The following KLRG2 variants were observed in gnomAD, a reference collection of about 807,000 sequenced individuals.
KLRG2 encodes killer cell lectin-like receptor subfamily G member 2.
Under a neutral mutation model 35.4 loss-of-function variants are expected in KLRG2, and 39 were observed. That is an observed-to-expected ratio of 1.10 (90% CI 0.85 to 1.44). KLRG2 has a LOEUF of 1.44. Among genes scored for constraint, KLRG2 ranks in the 40% most tolerant of loss-of-function variants. KLRG2 has a pLI of 0.00. For missense variants in KLRG2, 632 were observed against 570.9 expected (o/e 1.11, Z -1.09); for synonymous variants, 283 against 265.8 (o/e 1.06, Z -0.63).
Position 139,483,025 on chromosome 7 carries a change from C to A in KLRG2, c.618G>T (p.Ala206=). The A allele has an allele frequency of 7.3e-7, 1 of 1,369,624 alleles. No homozygotes were observed. The highest frequency in any genetic ancestry group is 2.6e-4 in the Middle Eastern group (1 of 3,776). 84.8% of individuals were successfully genotyped at this position (1,369,624 alleles called of 1,614,324 possible). The stretch of plus-strand genomic sequence containing the variant: ...AGCCCGGGGAGCCGGCGCTTCCTTC[C>A]GCGGGGCTGGCCCGGCCCTCTGCGT... ...GCDAEGRASP[A]EGSAGSPGSP... The change falls in exon 1 of 5, where the codon GCG becomes GCT. Residue 206 remains alanine (A), a synonymous_variant. Coordinates refer to ENST00000340940, the MANE Select transcript of KLRG2 (RefSeq NM_198508.4).
intron 3 of KLRG2, among the ~76,000 whole-genome samples, chr7:139,456,027 A>C (rs1796472199): frequency 6.6e-6 from 1 of 152,218 alleles, no homozygotes; most frequent in Non-Finnish European, 1.5e-5. Context: ...CCATGTAAAA[A>C]AAAAAAGACT....
the KLRG2 span, among the ~76,000 whole-genome samples, chr7:139,438,777 G>C: frequency 1.3e-5 from 2 of 151,582 alleles, no homozygotes; most frequent in African/African-American, 4.9e-5. Context: ...CCAGGTGCAA[G>C]TGATTCTCCT....
chr7:139,454,112 G>A lies in KLRG2; in HGVS notation c.1108C>T (p.Leu370=). The A allele has an allele frequency of 1.3e-6, 2 of 1,520,948 alleles. No individual in the cohort carries two copies. Among genetic ancestry groups the A allele is most frequent in the African/African-American group, 1.4e-5 (1 of 72,124 alleles). 94.2% of individuals were successfully genotyped at this position (1,520,948 alleles called of 1,614,324 possible). A position where few individuals can be genotyped will look rare whatever the true frequency, so the allele number is the denominator to read the frequency against. Residue 370 remains leucine (L), a splice_region_variant and synonymous_variant, in exon 4 of 5, where the codon CTA becomes TTA. Coordinates refer to ENST00000340940, the MANE Select transcript of KLRG2 (RefSeq NM_198508.4). ...WIDEAPLPPQ[L]LPEDGEDNLD... is the part of the protein sequence containing the mutation. Reference sequence around the variant, plus strand: ...GGAGAAAAGCCCGTGGTCACTCACAGCTGGGGCGGGAGTGGGGCCTCGTCG... The same window carrying A: ...GGAGAAAAGCCCGTGGTCACTCACAACTGGGGCGGGAGTGGGGCCTCGTCG...
At chr7:139,449,800 C>T (rs1255880039), downstream of KLRG2, among the ~76,000 whole-genome samples, 9 of 147,000 alleles carry the variant, frequency 6.1e-5, no homozygotes, top group African/African-American at 2.0e-4. Context: ...GCCAGGTTCA[C>T]GCCATTCTCC....
intron 3 of KLRG2, among the ~76,000 whole-genome samples, chr7:139,469,458 C>A (rs907805479): frequency 3.9e-5 from 6 of 152,014 alleles, no homozygotes; most frequent in African/African-American, 1.2e-4. Flanking sequence ...CCACGCCCAG[C>A]CTACTTATTT....
chr7:139,467,959 C>T (rs556422707), intron 3 of KLRG2, among the ~76,000 whole-genome samples: 2 of 152,304 alleles, frequency 1.3e-5, no homozygotes, highest in African/African-American at 4.8e-5. Flanking sequence ...TTGTATGTTC[C>T]ATCTACTGAG....
downstream of KLRG2, among the ~76,000 whole-genome samples, chr7:139,450,546 T>A (rs1258845202): frequency 1.3e-5 from 2 of 152,182 alleles, no homozygotes; most frequent in African/African-American, 4.8e-5. Flanking sequence ...TCTTGATGAA[T>A]TCAGAAGTCC....
chr7:139,482,002 C>T (rs1056997750), intron 1 of KLRG2, among the ~76,000 whole-genome samples: 1 of 152,120 alleles, frequency 6.6e-6, no homozygotes, highest in Non-Finnish European at 1.5e-5. Flanking sequence ...CAACTACTCC[C>T]TCCAGTCTCC....
chr7:139,466,095 A>G (rs1796649009), intron 3 of KLRG2, among the ~76,000 whole-genome samples: 1 of 152,090 alleles, frequency 6.6e-6, no homozygotes, highest in African/African-American at 2.4e-5. Flanking sequence ...AAAAAATCTC[A>G]GTGTTCCATC....
intron 3 of KLRG2, among the ~76,000 whole-genome samples, chr7:139,467,707 G>A (rs926691340): frequency 2.0e-5 from 3 of 150,964 alleles, no homozygotes; most frequent in East Asian, 1.9e-4. Context: ...GCGGAAGGCC[G>A]CAGGTTCCTC....
intron 3 of KLRG2, among the ~76,000 whole-genome samples, chr7:139,457,687 C>T (rs566781436): frequency 2.0e-5 from 3 of 152,262 alleles, no homozygotes; most frequent in South Asian, 2.1e-4. Context: ...AGCTATCTGC[C>T]TCTCTCACCC....
chr7:139,474,633 C>T (rs537960208), intron 3 of KLRG2, among the ~76,000 whole-genome samples: 6 of 152,124 alleles, frequency 3.9e-5, no homozygotes, highest in Admixed American at 2.6e-4. Context: ...TGTTGGCACA[C>T]GCCTGTAATT....
chr7:139,454,850 AATAATAATAAT>A (rs941740678), intron 3 of KLRG2, among the ~76,000 whole-genome samples: 15 of 145,090 alleles, frequency 1.0e-4, no homozygotes, highest in Admixed American at 1.4e-4. Context: ...TAATAATAAT[AATAATAATAAT>A]AATAACACAC....
chr7:139,451,364 G>A (rs764830547), downstream of KLRG2, among the ~76,000 whole-genome samples: 10 of 152,152 alleles, frequency 6.6e-5, no homozygotes, highest in East Asian at 1.9e-4. Context: ...GCTGGGCATG[G>A]TGGTAGATGC....
Position 139,456,407 on chromosome 7 carries a change from C to T in KLRG2, c.1006-2193G>A, listed in dbSNP as rs1393365297. On this transcript the variant is annotated intron_variant, in intron 3 of 4. Coordinates refer to ENST00000340940, the MANE Select transcript of KLRG2 (RefSeq NM_198508.4). ...TTGAGACGGAGTCTTGCTCAGCCAC[C>T]TAGGCTGGAGTGCAGTGGCACAATC... 3.9e-5 allele frequency among the ~76,000 whole-genome samples: 6 copies of T among 152,120 alleles called. No homozygotes were observed. In the East Asian group the frequency reaches 7.7e-4, roughly 20 times the overall value.
intron 3 of KLRG2, among the ~76,000 whole-genome samples, chr7:139,468,255 C>T (rs1161524679): frequency 1.3e-5 from 2 of 152,062 alleles, no homozygotes; most frequent in Non-Finnish European, 2.9e-5. Flanking sequence ...GAACGCTGGT[C>T]CCCTGGGCCC....
intron 3 of KLRG2, among the ~76,000 whole-genome samples, chr7:139,460,133 G>A (rs921344621): frequency 6.6e-6 from 1 of 152,128 alleles, no homozygotes. Flanking sequence ...TGATCTGCCC[G>A]CCTTGGCCCC....
the KLRG2 span, among the ~76,000 whole-genome samples, chr7:139,429,540 C>A: frequency 6.6e-6 from 1 of 151,670 alleles, no homozygotes. Flanking sequence ...GTGTTTGTGT[C>A]CCTGGGTACT....
chr7:139,479,818 A>G (rs1796924182), intron 2 of KLRG2, 46 bp from the exon 3 acceptor site: 2 of 1,584,466 alleles, frequency 1.3e-6, no homozygotes, highest in Non-Finnish European at 1.7e-6. Context: ...AAGCTGCATT[A>G]AATAAACAAA....
Sources: gnomAD v4.1 joint callset for allele counts (sites outside exome capture counted in the v4.1 genomes callset) on GRCh38, gnomAD v4.1.1 for gene constraint, MANE v1.5 for transcripts, NCBI Gene and HGNC (gene_info 2026-07-23, HGNC 2026-07-21) for gene names.